COL5A2: variants seen among roughly 807,000 people sequenced by gnomAD.
COL5A2 encodes collagen alpha-2(V) chain.
In COL5A2, 23 loss-of-function variants were observed where a neutral mutation model predicts 208.2. The ratio of observed to expected loss-of-function variants is 0.11; its 90% CI spans 0.08 to 0.16. COL5A2 has a LOEUF of 0.16. Ranked by LOEUF, COL5A2 falls within the 10% of genes least tolerant of loss-of-function variation. The pLI is 1.00. For missense variants in COL5A2, 1,590 were observed against 1,956.4 expected (o/e 0.81, Z 3.53); for synonymous variants, 625 against 628.5 (o/e 0.99, Z 0.08).
At chr2:189,133,419 C>A (rs564285696) in intron 1 of COL5A2, among the ~76,000 whole-genome samples, 3 of 152,146 alleles carry the variant, frequency 2.0e-5, no homozygotes, top group Admixed American at 1.3e-4. Context: ...CCACACCCAG[C>A]CTATTCAACT....
At chr2:189,335,349 C>T in the COL5A2 span, among the ~76,000 whole-genome samples, 16 of 152,126 alleles carry the variant, frequency 1.1e-4, no homozygotes, top group African/African-American at 2.6e-4. Flanking sequence ...GGAAACCTCA[C>T]ACAATTGCTG....
chr2:189,032,838 A>G lies in COL5A2; in HGVS notation c.*1232T>C, dbSNP rs1685363256. 1 of 152,618 alleles carries G rather than the reference A, an allele frequency of 6.6e-6. No homozygotes were observed. The highest frequency in any genetic ancestry group is 1.5e-5 in the Non-Finnish European group (1 of 68,010). 9.5% of individuals were successfully genotyped at this position (152,618 alleles called of 1,614,324 possible). A position where few individuals can be genotyped will look rare whatever the true frequency, so the allele number is the denominator to read the frequency against. On this transcript the variant is annotated 3_prime_UTR_variant, in exon 54 of 54. Coordinates refer to ENST00000374866, the MANE Select transcript of COL5A2 (RefSeq NM_000393.5). ...TTTTCACAATGGTAGTGATTAAACCATCTTTATTTTTAAGGAATTTTATAG... is the reference window on the plus strand; with the variant it reads ...TTTTCACAATGGTAGTGATTAAACCGTCTTTATTTTTAAGGAATTTTATAG...
At chr2:189,356,800 G>A in the COL5A2 span, among the ~76,000 whole-genome samples, 14 of 152,120 alleles carry the variant, frequency 9.2e-5, no homozygotes, top group Non-Finnish European at 1.5e-4. Context: ...GTGATCCTTT[G>A]GAGGAGAAGA....
chr2:189,261,087 C>A, the COL5A2 span, among the ~76,000 whole-genome samples: 1 of 151,996 alleles, frequency 6.6e-6, no homozygotes, highest in Non-Finnish European at 1.5e-5. Context: ...TGACACTTCA[C>A]CCAAACTTTT....
rs1248564270 is a variant in COL5A2, at chr2:189,094,646, C to CACACAT, written c.457-2227_457-2226insATGTGT. 5.3e-5 allele frequency among the ~76,000 whole-genome samples: 7 copies of CACACAT among 132,626 alleles called. 2 individuals are homozygous for CACACAT. Among genetic ancestry groups the CACACAT allele is most frequent in the Non-Finnish European group, 8.3e-5 (5 of 60,366 alleles). 87.0% of individuals were successfully genotyped at this position (132,626 alleles called of 152,430 possible). ...ACACACACACACACACACACACACA[C>CACACAT]ATAAATGTTATAGATGTTAAGATCT... On this transcript the variant is annotated intron_variant, in intron 6 of 53. Transcript: ENST00000374866.
chr2:189,038,137 A>G (rs1685480126), intron 51 of COL5A2, among the ~76,000 whole-genome samples: 1 of 124,478 alleles, frequency 8.0e-6, no homozygotes, highest in Non-Finnish European at 1.8e-5. Flanking sequence ...TCACCCAGGT[A>G]GTGAGCATAG....
chr2:189,121,524 G>A (rs1687499443), intron 1 of COL5A2, among the ~76,000 whole-genome samples: 1 of 152,052 alleles, frequency 6.6e-6, no homozygotes, highest in Non-Finnish European at 1.5e-5. Flanking sequence ...CTCTTGCGGT[G>A]GTGCGGGCCA....
intron 1 of COL5A2, among the ~76,000 whole-genome samples, chr2:189,149,030 C>T (rs62182422): frequency 0.043 from 6,593 of 152,226 alleles, 205 homozygotes; most frequent in Non-Finnish European, 0.067. Context: ...ATCCCACCCA[C>T]TGGGGAGGCT....
chr2:189,265,060 A>C, the COL5A2 span, among the ~76,000 whole-genome samples: 2 of 152,120 alleles, frequency 1.3e-5, no homozygotes, highest in Non-Finnish European at 2.9e-5. Context: ...AGGTTACAAA[A>C]ATCCCTGGGG....
chr2:189,221,084 T>C (rs73980188), intron 1 of COL5A2, among the ~76,000 whole-genome samples: 4,952 of 152,266 alleles, frequency 0.033, 88 homozygotes, highest in Admixed American at 0.047. Flanking sequence ...CTTTCTAGAA[T>C]TGCAACTAAA....
chr2:189,123,405 G>A (rs1687547402), intron 1 of COL5A2, among the ~76,000 whole-genome samples: 1 of 152,144 alleles, frequency 6.6e-6, no homozygotes, highest in Non-Finnish European at 1.5e-5. Context: ...GACATTATTT[G>A]TAAATAAGGT....
At chr2:189,159,871 C>A (rs912080581) in intron 1 of COL5A2, among the ~76,000 whole-genome samples, 1 of 151,506 alleles carries the variant, frequency 6.6e-6, no homozygotes, top group East Asian at 1.9e-4. Context: ...CAGAGCGGGA[C>A]CCTGTCTCAA....
At chr2:189,259,261 C>CA in the COL5A2 span, among the ~76,000 whole-genome samples, 5,317 of 152,172 alleles carry the variant, frequency 0.035, 121 homozygotes, top group Middle Eastern at 0.071. Flanking sequence ...ATGTGAAAAA[C>CA]AAAAATGTGA....
intron 5 of COL5A2, among the ~76,000 whole-genome samples, chr2:189,098,475 T>C (rs551460993): frequency 6.6e-6 from 1 of 152,350 alleles, no homozygotes; most frequent in African/African-American, 2.4e-5. Context: ...AACAATAAAG[T>C]GTTTTGTCTT....
At chr2:189,358,459 C>T in the COL5A2 span, among the ~76,000 whole-genome samples, 2 of 152,068 alleles carry the variant, frequency 1.3e-5, no homozygotes, top group South Asian at 2.1e-4. Flanking sequence ...CATTTTCATG[C>T]TGTTTGGGTT....
chr2:189,107,961 T>C (rs916710214), intron 2 of COL5A2, among the ~76,000 whole-genome samples: 1 of 151,744 alleles, frequency 6.6e-6, no homozygotes, highest in African/African-American at 2.4e-5. Context: ...AATGTTCTTT[T>C]TAGCATTTAT....
At chr2:189,187,492 A>T (rs1688867266) in intron 1 of COL5A2, among the ~76,000 whole-genome samples, 2 of 152,180 alleles carry the variant, frequency 1.3e-5, no homozygotes. Flanking sequence ...TCCTCATCTG[A>T]AAAATGGGGA....
At chr2:189,047,072 A>G (rs1273455176) in intron 45 of COL5A2, among the ~76,000 whole-genome samples, 1 of 151,488 alleles carries the variant, frequency 6.6e-6, no homozygotes, top group Non-Finnish European at 1.5e-5. Context: ...CAGCGAGACG[A>G]GATCGTGTCA....
intron 1 of COL5A2, among the ~76,000 whole-genome samples, chr2:189,140,455 G>A (rs1226643322): frequency 1.3e-5 from 2 of 152,012 alleles, no homozygotes; most frequent in South Asian, 4.2e-4. Context: ...ATAAAACAAA[G>A]ATATGTTTAT....
Sources: allele counts gnomAD v4.1 joint callset (sites outside exome capture counted in the v4.1 genomes callset), GRCh38; gene constraint gnomAD v4.1.1; transcripts MANE v1.5; gene names NCBI Gene and HGNC (gene_info 2026-07-23, HGNC 2026-07-21).